Variants in BMPER observed in about 807,000 individuals in gnomAD.
The protein encoded by BMPER is BMP-binding endothelial regulator protein.
BMPER carries 45 observed loss-of-function variants against 87.3 expected under a neutral mutation model. That is an observed-to-expected ratio of 0.52 (90% CI 0.41 to 0.66). The LOEUF is 0.66. Ranked by LOEUF, BMPER falls within the 30% of genes least tolerant of loss-of-function variation. The probability of loss-of-function intolerance (pLI) is 0.00; values close to 1 mark genes in which losing one functional copy is unlikely to be tolerated. For missense variants in BMPER, 784 were observed against 867.5 expected (o/e 0.90, Z 1.21); for synonymous variants, 326 against 316.2 (o/e 1.03, Z -0.33).
Position 34,129,575 on chromosome 7 carries a change from A to AG in BMPER, c.1746-13655_1746-13654insG, listed in dbSNP as rs1296068652. ...CAGAAAGAAAAGGAAGGAAGGAAGG[A>AG]AGGAGAGAGAGAGAGAGAGAGAGAG... On this transcript the variant is annotated intron_variant, in intron 13 of 14. Transcript: ENST00000649409. 2.0e-3 allele frequency among the ~76,000 whole-genome samples: 154 copies of AG among 75,550 alleles called. 2 individuals carry two copies. The Middle Eastern group carries it at 0.027, about 13-fold the overall frequency. The allele number at this position is 75,550 out of a possible 152,430, so 49.6% of individuals were successfully genotyped here.
chr7:33,944,561 AT>A (rs975333582), intron 3 of BMPER, among the ~76,000 whole-genome samples: 1 of 152,164 alleles, frequency 6.6e-6, no homozygotes. Flanking sequence ...GAAATTATTA[AT>A]TTTTTTGTTT....
intron 6 of BMPER, among the ~76,000 whole-genome samples, chr7:34,041,387 C>A (rs1787828640): frequency 6.6e-6 from 1 of 152,160 alleles, no homozygotes; most frequent in Non-Finnish European, 1.5e-5. Context: ...CTGCTACTGT[C>A]CCCTCAGTCT....
intron 2 of BMPER, 58 bp from the exon 3 acceptor site, chr7:33,937,231 G>T: frequency 6.4e-7 from 1 of 1,560,320 alleles, no homozygotes; most frequent in East Asian, 2.2e-5. Flanking sequence ...GGTGTGTTAG[G>T]ATTTGGGGAA....
rs147244810 is a variant in BMPER at position 34,071,397 on chromosome 7, T to C, written c.1079-7460T>C. Reference sequence around the variant, plus strand: ...TATAGGCAAACAAATTGAGGTTATGTAGGTAGTTTGTGCATGATTTTATAA... The same window carrying C: ...TATAGGCAAACAAATTGAGGTTATGCAGGTAGTTTGTGCATGATTTTATAA... On this transcript the variant is annotated intron_variant, in intron 11 of 14. Transcript: ENST00000649409. Among the ~76,000 whole-genome samples the C allele has an allele frequency of 5.5e-3, 835 of 152,324 alleles. 6 individuals are homozygous for C. The highest frequency in any genetic ancestry group is 0.019 in the African/African-American group (783 of 41,556).
At chr7:34,047,235 CT>C (rs1395659784) in intron 7 of BMPER, among the ~76,000 whole-genome samples, 1 of 151,736 alleles carries the variant, frequency 6.6e-6, no homozygotes, top group Non-Finnish European at 1.5e-5. Context: ...GGTTCTTTGG[CT>C]TTTGCTTATA....
At chr7:34,007,277 T>C (rs1158959707) in intron 6 of BMPER, among the ~76,000 whole-genome samples, 5 of 152,092 alleles carry the variant, frequency 3.3e-5, no homozygotes, top group Admixed American at 6.6e-5. Flanking sequence ...ACTTTGCTCT[T>C]AAGGGGCTTT....
chr7:33,943,256 C>T (rs190024810), intron 3 of BMPER, among the ~76,000 whole-genome samples: 23 of 152,174 alleles, frequency 1.5e-4, no homozygotes, highest in African/African-American at 5.5e-4. Flanking sequence ...TGTTTGTGTA[C>T]TTTTATTTTT....
In BMPER at chr7:34,079,014, A is replaced by G. The variant is rs367812139; in HGVS notation, c.1236A>G (p.Thr412=). 3 of 1,614,092 alleles carry G rather than the reference A, an allele frequency of 1.9e-6. No individual in the cohort carries two copies. The African/African-American group carries it at 4.0e-5, about 22-fold the overall frequency. ...TGGTGAAGAACGACGCCCGCCGGAC[A>G]CGCTCCTTCTCGTGGACCAAGTCGG... ...QVLVKNDARR[T]RSFSWTKSVE... is the part of the protein sequence containing the mutation. The change falls in exon 12 of 15, where the codon ACA becomes ACG. Residue 412 remains threonine (T), a synonymous_variant. Transcript: ENST00000649409.
intron 6 of BMPER, among the ~76,000 whole-genome samples, chr7:34,025,548 G>C (rs905411337): frequency 6.6e-6 from 1 of 152,026 alleles, no homozygotes; most frequent in Non-Finnish European, 1.5e-5. Flanking sequence ...CAAGAAGGAG[G>C]ATCTACCCTT....
chr7:34,085,808 G>T lies in BMPER; in HGVS notation c.1461G>T (p.Pro487=), dbSNP rs77064045. ...GDSFVEVMAA[P]HLKGKLCGLC... ...GTTTTGTAGAAGTCATGGCTGCGCC[G>T]CATCTCAAGGGCAAGCTCTGTGGTC... is the stretch of plus-strand genomic sequence containing the variant. Residue 487 remains proline (P), a synonymous_variant, in exon 13 of 15, where the codon CCG becomes CCT. Transcript: ENST00000649409. The T allele has an allele frequency of 0.27, 433,450 of 1,613,844 alleles. 60,620 individuals are homozygous for T. The highest frequency in any genetic ancestry group is 0.35 in the Middle Eastern group (2,137 of 6,062).
intron 2 of BMPER, among the ~76,000 whole-genome samples, chr7:33,910,203 A>G (rs921009811): frequency 1.3e-5 from 2 of 152,210 alleles, no homozygotes; most frequent in African/African-American, 4.8e-5. Flanking sequence ...ACTTTTCCCT[A>G]CCTTACAAAA....
At chr7:34,041,379 G>A (rs1321582154) in intron 6 of BMPER, among the ~76,000 whole-genome samples, 1 of 152,122 alleles carries the variant, frequency 6.6e-6, no homozygotes, top group Non-Finnish European at 1.5e-5. Context: ...TGTCTACTCT[G>A]CTACTGTCCC....
At chr7:34,003,662 TCTCC>T (rs1422076942) in intron 6 of BMPER, among the ~76,000 whole-genome samples, 1 of 152,076 alleles carries the variant, frequency 6.6e-6, no homozygotes, top group African/African-American at 2.4e-5. Context: ...TGTCTTAATT[TCTCC>T]CTTGTGTTGC....
At chr7:34,091,237 C>T (rs951637006) in intron 13 of BMPER, among the ~76,000 whole-genome samples, 1 of 152,126 alleles carries the variant, frequency 6.6e-6, no homozygotes, top group Non-Finnish European at 1.5e-5. Flanking sequence ...GCAAGGGGTA[C>T]AGACTTTATG....
At chr7:34,107,705 T>C (rs1375553918) in intron 13 of BMPER, among the ~76,000 whole-genome samples, 1 of 152,218 alleles carries the variant, frequency 6.6e-6, no homozygotes, top group African/African-American at 2.4e-5. Context: ...GACTGCTTTT[T>C]ATTTCATGTC....
At chr7:34,046,277 A>C (rs1308903949) in intron 6 of BMPER, 29 bp from the exon 7 acceptor site, 7 of 1,601,560 alleles carry the variant, frequency 4.4e-6, no homozygotes, top group Non-Finnish European at 6.0e-6. Flanking sequence ...ACTTTTCTAA[A>C]TATGCTTTTT....
chr7:34,062,219 A>T (rs987277577), intron 11 of BMPER, among the ~76,000 whole-genome samples, 172 bp downstream of exon 11: 3 of 152,188 alleles, frequency 2.0e-5, no homozygotes, highest in Non-Finnish European at 4.4e-5. Flanking sequence ...TCTCCCACAG[A>T]AGTACAATGG....
At chr7:34,001,873 A>G (rs1786591395) in intron 6 of BMPER, among the ~76,000 whole-genome samples, 1 of 151,714 alleles carries the variant, frequency 6.6e-6, no homozygotes, top group Non-Finnish European at 1.5e-5. Context: ...TTTTATTTTC[A>G]TTCATCTAAA....
chr7:33,974,931 G>A, intron 6 of BMPER, 147 bp downstream of exon 6: 1 of 819,928 alleles, frequency 1.2e-6, no homozygotes, highest in Non-Finnish European at 2.1e-6. Flanking sequence ...CGAGGGAAAA[G>A]CTCATCCACC....
Sources: allele counts gnomAD v4.1 joint callset (sites outside exome capture counted in the v4.1 genomes callset), GRCh38; gene constraint gnomAD v4.1.1; transcripts MANE v1.5; gene names NCBI Gene and HGNC (gene_info 2026-07-23, HGNC 2026-07-21).